The following MYOM2 variants were observed in gnomAD, a reference collection of about 807,000 sequenced individuals.
MYOM2 encodes the protein myomesin 2.
In MYOM2, 254 loss-of-function variants were observed where a neutral mutation model predicts 187.6. That is an observed-to-expected ratio of 1.35 (90% CI 1.22 to 1.50). MYOM2 has a LOEUF of 1.50. Ranked by LOEUF, MYOM2 falls within the 40% of genes most tolerant of loss-of-function variation. The probability of loss-of-function intolerance (pLI) is 0.00; values close to 1 mark genes in which losing one functional copy is unlikely to be tolerated. For missense variants in MYOM2, 2,796 were observed against 1,924.0 expected (o/e 1.45, Z -8.48); for synonymous variants, 981 against 753.8 (o/e 1.30, Z -4.94).
intron 35 of MYOM2, among the ~76,000 whole-genome samples, chr8:2,142,710 C>T (rs1382084338): frequency 0.021 from 391 of 18,934 alleles, 7 homozygotes; most frequent in East Asian, 0.2. Flanking sequence ...CTCCCCTTCC[C>T]TCCCTCCCTC....
intron 34 of MYOM2, among the ~76,000 whole-genome samples, chr8:2,141,648 A>G (rs1028578660): frequency 6.6e-6 from 1 of 152,078 alleles, no homozygotes; most frequent in African/African-American, 2.4e-5. Context: ...AGGGGAGCTT[A>G]TCTCAGGGTT....
chr8:2,141,465 A>T (rs1275860947), intron 34 of MYOM2, among the ~76,000 whole-genome samples: 1 of 152,270 alleles, frequency 6.6e-6, no homozygotes, highest in Admixed American at 6.5e-5. Context: ...AAAGCAGATT[A>T]ACAGTCAAAG....
chr8:2,090,176 G>T lies in MYOM2; in HGVS notation c.1813G>T (p.Ala605Ser), dbSNP rs1563047295. The change falls in exon 15 of 37, where the codon GCC becomes TCC. Residue 605 changes from alanine to serine, a missense_variant. Ala to Ser is a moderately conservative substitution (Grantham distance 99, BLOSUM62 1). Coordinates refer to ENST00000262113, the MANE Select transcript of MYOM2 (RefSeq NM_003970.4). ...EPSEITSPIQAQDVTVVPSAP... is the reference protein window; with the variant it reads ...EPSEITSPIQSQDVTVVPSAP... ...TTCGGAGATAACGTCCCCCATTCAGGCCCAGGATGTGACCGGTGAGCTGTC... is the reference window on the plus strand; with the variant it reads ...TTCGGAGATAACGTCCCCCATTCAGTCCCAGGATGTGACCGGTGAGCTGTC... 1 of 1,613,426 alleles carries T rather than the reference G, an allele frequency of 6.2e-7. No individual in the cohort carries two copies. Among genetic ancestry groups the T allele is most frequent in the South Asian group, 1.1e-5 (1 of 91,024 alleles).
At chr8:2,131,369 C>A (rs3824177) in intron 32 of MYOM2, among the ~76,000 whole-genome samples, 21,034 of 151,804 alleles carry the variant, frequency 0.14, 2,534 homozygotes, top group African/African-American at 0.31. Context: ...AGTGAAAGAG[C>A]AGGGATTTGA....
chr8:2,056,929 G>A (rs1188986947), intron 3 of MYOM2, among the ~76,000 whole-genome samples: 2 of 152,208 alleles, frequency 1.3e-5, no homozygotes, highest in Non-Finnish European at 2.9e-5. Context: ...ACACGAAGAT[G>A]AGTAACAATG....
chr8:2,049,989 C>A (rs17064579), intron 1 of MYOM2, among the ~76,000 whole-genome samples: 4,786 of 152,252 alleles, frequency 0.031, 263 homozygotes, highest in African/African-American at 0.11. Flanking sequence ...TCCTGCTACG[C>A]CTGTCTACCG....
In MYOM2 at chr8:2,094,746, C is replaced by G. The variant is rs61160872; in HGVS notation, c.2125+655C>G. Among the ~76,000 whole-genome samples, 458 of 152,322 alleles carry G rather than the reference C, an allele frequency of 3.0e-3. 2 individuals are homozygous for G. Among genetic ancestry groups the G allele is most frequent in the African/African-American group, 0.011 (449 of 41,570 alleles). On this transcript the variant is annotated intron_variant, in intron 17 of 36. Coordinates refer to ENST00000262113, the MANE Select transcript of MYOM2 (RefSeq NM_003970.4). ...ATGACCTTTTTAGCTGTTCTCAGTT[C>G]TAGGAACTTTAGTCACTTCAGAGAA...
rs140826396 is a variant in MYOM2, at chr8:2,113,598, A to T, written c.3181-2362A>T. 3.9e-3 allele frequency among the ~76,000 whole-genome samples: 594 copies of T among 152,298 alleles called. 1 individual carries two copies. The highest frequency in any genetic ancestry group is 0.013 in the African/African-American group (555 of 41,558). ...AGGGATGGAGGAAGGACCGACTGGG[A>T]CAGGTTCATAGTTTCAGCCGATGAC... On this transcript the variant is annotated intron_variant, in intron 25 of 36. Coordinates refer to ENST00000262113, the MANE Select transcript of MYOM2 (RefSeq NM_003970.4).
intron 32 of MYOM2, among the ~76,000 whole-genome samples, chr8:2,137,477 C>G (rs548427578): frequency 6.6e-6 from 1 of 152,094 alleles, no homozygotes; most frequent in South Asian, 2.1e-4. Flanking sequence ...GAGGGCCTTA[C>G]TGATGTGTGG....
rs1563412374 is a variant in MYOM2 at position 2,052,202 on chromosome 8, G to GGTC, written c.156_158dup (p.Ser54dup). 1 of 1,613,352 alleles carries GGTC rather than the reference G, an allele frequency of 6.2e-7. No homozygotes were observed. Among genetic ancestry groups the GGTC allele is most frequent in the Non-Finnish European group, 8.5e-7 (1 of 1,179,734 alleles). ...TCTTCCCAGAAGTCCTTGAGTCAGC[G>GGTC]GTCGTCTTCACAGAGAGCCTCCAGC... On this transcript the variant is annotated inframe_insertion, in exon 3 of 37. Coordinates refer to ENST00000262113, the MANE Select transcript of MYOM2 (RefSeq NM_003970.4).
intron 15 of MYOM2, among the ~76,000 whole-genome samples, chr8:2,090,738 C>A (rs1796272718): frequency 6.6e-6 from 1 of 152,176 alleles, no homozygotes; most frequent in African/African-American, 2.4e-5. Flanking sequence ...TCTGTTCCTG[C>A]ATTAGTTTGC....
At position 2,125,670 on chromosome 8, in the gene MYOM2, G is replaced by A. The variant is rs1315482524; in HGVS notation, c.3694+1453G>A. 2.3e-5 allele frequency among the ~76,000 whole-genome samples: 3 copies of A among 130,770 alleles called. No homozygotes were observed. The South Asian group carries it at 7.6e-4, about 33-fold the overall frequency. 85.8% of individuals were successfully genotyped at this position (130,770 alleles called of 152,430 possible). ...GTTGCCAGGCTGTAGTGCAGTGGGT[G>A]AATCTCGGCTCACTGCAACCTCCAT... On this transcript the variant is annotated intron_variant, in intron 31 of 36. Coordinates refer to ENST00000262113, the MANE Select transcript of MYOM2 (RefSeq NM_003970.4).
intron 25 of MYOM2, among the ~76,000 whole-genome samples, chr8:2,113,182 G>A (rs1020858085): frequency 6.6e-6 from 1 of 152,200 alleles, no homozygotes; most frequent in Non-Finnish European, 1.5e-5. Context: ...GGCATGGCTG[G>A]GGCGAGTCCC....
At chr8:2,119,549 C>G (rs757658512) in intron 28 of MYOM2, 2 of 152,934 alleles carry the variant, frequency 1.3e-5, no homozygotes, top group African/African-American at 4.8e-5. Flanking sequence ...ACCCCACTCC[C>G]TGGCAAGGCA....
At chr8:2,070,039 G>A (rs1224775540) in intron 8 of MYOM2, among the ~76,000 whole-genome samples, 1 of 152,190 alleles carries the variant, frequency 6.6e-6, no homozygotes. Context: ...CCCTGGCCCT[G>A]TAATGAGGCG....
intron 5 of MYOM2, among the ~76,000 whole-genome samples, chr8:2,058,857 C>T (rs1277020445): frequency 6.6e-6 from 1 of 152,170 alleles, no homozygotes; most frequent in Non-Finnish European, 1.5e-5. Flanking sequence ...GATCCAGCAC[C>T]CAGTGTTTCT....
At chr8:2,091,992 T>C (rs1796319227) in intron 15 of MYOM2, among the ~76,000 whole-genome samples, 1 of 152,186 alleles carries the variant, frequency 6.6e-6, no homozygotes, top group South Asian at 2.1e-4. Flanking sequence ...TTTCTTAAAA[T>C]TGGTTAATTT....
rs955534810 is a variant in MYOM2, at chr8:2,114,632, G to C, written c.3181-1328G>C. Reference sequence around the variant, plus strand: ...TTACAGGCGTGCGCCACCACACCTGGCTAATTCTTGTATTTTTAGTAGAGT... The same window carrying C: ...TTACAGGCGTGCGCCACCACACCTGCCTAATTCTTGTATTTTTAGTAGAGT... On this transcript the variant is annotated intron_variant, in intron 25 of 36. Coordinates refer to ENST00000262113, the MANE Select transcript of MYOM2 (RefSeq NM_003970.4). 1.6e-4 allele frequency among the ~76,000 whole-genome samples: 25 copies of C among 152,094 alleles called. 1 individual carries two copies. The highest frequency in any genetic ancestry group is 1.4e-3 in the Admixed American group (22 of 15,264).
chr8:2,118,028 C>A, intron 28 of MYOM2, 76 bp downstream of exon 28: 1 of 1,307,760 alleles, frequency 7.6e-7, no homozygotes, highest in Non-Finnish European at 1.1e-6. Context: ...CAGGGAGTAG[C>A]TGTGGCCAGA....
Sources: allele counts gnomAD v4.1 joint callset (sites outside exome capture counted in the v4.1 genomes callset), GRCh38; gene constraint gnomAD v4.1.1; transcripts MANE v1.5; gene names NCBI Gene and HGNC (gene_info 2026-07-23, HGNC 2026-07-21).